The following NFASC variants were observed in gnomAD, a reference collection of about 807,000 sequenced individuals.
NFASC encodes the protein neurofascin homolog.
A neutral mutation model predicts 147.5 loss-of-function variants in NFASC; 43 were observed. The ratio of observed to expected loss-of-function variants is 0.29; its 90% CI spans 0.23 to 0.38. The LOEUF (loss-of-function observed/expected upper bound fraction) is 0.38, where lower values mean the gene tolerates loss of function less well. NFASC is among the 10% of genes least tolerant of loss of function. NFASC has a pLI of 1.00. For missense variants in NFASC, 1,320 were observed against 1,689.0 expected (o/e 0.78, Z 3.83); for synonymous variants, 622 against 665.5 (o/e 0.93, Z 1.01).
chr1:204,974,109 G>A (rs1024622637), intron 12 of NFASC, 70 bp from the exon 13 acceptor site: 2 of 1,273,000 alleles, frequency 1.6e-6, no homozygotes, highest in Non-Finnish European at 2.2e-6. Context: ...GCATGCAGAG[G>A]TGAGACCGAG....
chr1:204,869,348 T>C (rs562228423), intron 1 of NFASC, among the ~76,000 whole-genome samples: 11 of 152,288 alleles, frequency 7.2e-5, no homozygotes, highest in African/African-American at 2.2e-4. Context: ...TATGTTTACA[T>C]TGCAGAACAC....
intron 5 of NFASC, among the ~76,000 whole-genome samples, chr1:204,953,833 C>G (rs1451427621): frequency 6.6e-6 from 1 of 152,176 alleles, no homozygotes; most frequent in Non-Finnish European, 1.5e-5. Context: ...GCCACAGATT[C>G]TAGATTCTAG....
rs771802696 is a variant in NFASC at position 204,987,384 on chromosome 1, C to T, written c.2471-34C>T. 6.2e-7 allele frequency: 1 copy of T among 1,604,220 alleles called. No homozygotes were observed. Among genetic ancestry groups the T allele is most frequent in the Non-Finnish European group, 8.5e-7 (1 of 1,173,680 alleles). ...TTCCTCATCCTCCCTGCCCCCTCCCCCTCATCTCCCCTGCTCTCTCCTCCT... is the reference window on the plus strand; with the variant it reads ...TTCCTCATCCTCCCTGCCCCCTCCCTCTCATCTCCCCTGCTCTCTCCTCCT... On this transcript the variant is annotated intron_variant, in intron 21 of 29. Transcript: ENST00000339876. This position sits in a 1 kb window ranked among gnomAD's most constrained non-coding sequence, Gnocchi z 4.4.
In NFASC at chr1:205,001,200, C is replaced by T. The variant is rs756101258; in HGVS notation, c.3050C>T (p.Thr1017Met). ...APDEQSIWNV[T>M]VLPNSKWANI... The stretch of plus-strand genomic sequence containing the variant: ...GATGAGCAGTCCATATGGAACGTCA[C>T]GGTGCTCCCCAACAGTAAATGGGCC... The change falls in exon 26 of 30, where the codon ACG (threonine) becomes ATG (methionine). Residue 1017 changes from threonine to methionine, a missense_variant. Coordinates refer to ENST00000339876, the MANE Select transcript of NFASC (RefSeq NM_001005388.3). 9 of 1,611,754 alleles carry T rather than the reference C, an allele frequency of 5.6e-6. No individual in the cohort carries two copies. Among genetic ancestry groups the T allele is most frequent in the South Asian group, 3.3e-5 (3 of 90,528 alleles).
chr1:204,942,838 G>A lies in NFASC; in HGVS notation c.-90-1388G>A, dbSNP rs72741216. ...CTTCTGGGAAAGAAACTGCAAAAAT[G>A]TGAATAAGAATCCTTTAGTTTGCCC... On this transcript the variant is annotated intron_variant, in intron 2 of 29. Transcript: ENST00000339876. Among the ~76,000 whole-genome samples, 1,264 of 152,276 alleles carry A rather than the reference G, an allele frequency of 8.3e-3. 16 individuals are homozygous for A. The highest frequency in any genetic ancestry group is 0.027 in the Middle Eastern group (8 of 294).
At chr1:204,916,852 C>T (rs376479138) in intron 1 of NFASC, among the ~76,000 whole-genome samples, 3 of 152,038 alleles carry the variant, frequency 2.0e-5, no homozygotes, top group Admixed American at 6.6e-5. Context: ...GGATTACAGG[C>T]GTGAGTCACT....
intron 4 of NFASC, among the ~76,000 whole-genome samples, chr1:204,951,748 C>T (rs989646697): frequency 6.0e-5 from 9 of 151,232 alleles, no homozygotes; most frequent in Admixed American, 1.3e-4. Flanking sequence ...GGATTACAAG[C>T]GTGAGCCACC....
Position 204,954,414 on chromosome 1 carries a change from C to A in NFASC, c.412+30C>A, listed in dbSNP as rs775870835. The A allele has an allele frequency of 6.2e-7, 1 of 1,602,562 alleles. No individual in the cohort carries two copies. Among genetic ancestry groups the A allele is most frequent in the Non-Finnish European group, 8.5e-7 (1 of 1,172,452 alleles). On this transcript the variant is annotated intron_variant, in intron 6 of 29. Coordinates refer to ENST00000339876, the MANE Select transcript of NFASC (RefSeq NM_001005388.3). The surrounding 1 kb of genome is among the most constrained non-coding windows in gnomAD (Gnocchi z 5.7). ...GTAGCGTGGGGCAGGGCTGAAATGC[C>A]CTGCTCCTGGGTAAATGGAGAGTGG...
At chr1:204,927,389 A>G in intron 2 of NFASC, among the ~76,000 whole-genome samples, 1 of 152,188 alleles carries the variant, frequency 6.6e-6, no homozygotes, top group East Asian at 1.9e-4. Context: ...TCCCCACATC[A>G]GTAATTCATT....
chr1:204,916,932 T>C (rs2089422044), intron 1 of NFASC, among the ~76,000 whole-genome samples: 1 of 152,092 alleles, frequency 6.6e-6, no homozygotes, highest in African/African-American at 2.4e-5. Flanking sequence ...AATATCTATA[T>C]CAGGCTGGGC....
At chr1:204,876,000 C>T (rs746110586) in intron 1 of NFASC, among the ~76,000 whole-genome samples, 4 of 152,162 alleles carry the variant, frequency 2.6e-5, no homozygotes, top group East Asian at 1.9e-4. Context: ...TGGTAATACA[C>T]AGTCATTTGG....
At chr1:204,983,076 G>A (rs149045639) in intron 21 of NFASC, among the ~76,000 whole-genome samples, 1 of 152,338 alleles carries the variant, frequency 6.6e-6, no homozygotes, top group African/African-American at 2.4e-5. Context: ...TGGGACCACT[G>A]GATGGTAAGT....
At chr1:204,842,315 C>T (rs2102514590) in intron 1 of NFASC, among the ~76,000 whole-genome samples, 1 of 152,282 alleles carries the variant, frequency 6.6e-6, no homozygotes, top group South Asian at 2.1e-4. Flanking sequence ...TTTACACCAC[C>T]CAGAACTTTC....
At chr1:204,978,475 AC>A (rs997507720) in intron 17 of NFASC, among the ~76,000 whole-genome samples, 5 of 151,396 alleles carry the variant, frequency 3.3e-5, no homozygotes, top group African/African-American at 1.2e-4. Context: ...CACTCCCCTA[AC>A]CCATCTGCCA....
At chr1:205,006,640 C>T (rs1485616384) in intron 27 of NFASC, among the ~76,000 whole-genome samples, 2 of 152,114 alleles carry the variant, frequency 1.3e-5, no homozygotes, top group Non-Finnish European at 2.9e-5. Context: ...AAGGTGGTAA[C>T]GGGATGTCTC....
rs2095642091 is a variant in NFASC, at chr1:204,987,588, C to G, written c.2593+48C>G. On this transcript the variant is annotated intron_variant, in intron 22 of 29. Transcript: ENST00000339876. The surrounding 1 kb of genome is among the most constrained non-coding windows in gnomAD (Gnocchi z 4.4). Reference sequence around the variant, plus strand: ...TCTTAGATAATCTGGGAACCAGAAACCCCATTCTCACCACTTTTCCTAAGG... The same window carrying G: ...TCTTAGATAATCTGGGAACCAGAAAGCCCATTCTCACCACTTTTCCTAAGG... 1.2e-6 allele frequency: 2 copies of G among 1,608,032 alleles called. No homozygotes were observed. Among genetic ancestry groups the G allele is most frequent in the African/African-American group, 2.7e-5 (2 of 74,918 alleles).
chr1:204,918,796 G>A (rs955776733), intron 1 of NFASC, among the ~76,000 whole-genome samples: 6 of 151,962 alleles, frequency 3.9e-5, no homozygotes, highest in African/African-American at 1.5e-4. Context: ...ATGTTGGTCA[G>A]GCTGGTCTCG....
intron 1 of NFASC, among the ~76,000 whole-genome samples, chr1:204,919,602 C>A (rs556543186): frequency 6.6e-6 from 1 of 152,190 alleles, no homozygotes; most frequent in African/African-American, 2.4e-5. Flanking sequence ...TTCCCCTCTA[C>A]AAGAGTGGAT....
chr1:204,841,480 C>A (rs1224779294), intron 1 of NFASC, among the ~76,000 whole-genome samples: 1 of 152,164 alleles, frequency 6.6e-6, no homozygotes, highest in Non-Finnish European at 1.5e-5. Flanking sequence ...ATGTTAGGAT[C>A]TGACAGCATG....
Sources: gnomAD v4.1 joint callset for allele counts (sites outside exome capture counted in the v4.1 genomes callset) on GRCh38, gnomAD v4.1.1 for gene constraint, Gnocchi (gnomAD v3.1) non-coding constraint, MANE v1.5 for transcripts, NCBI Gene and HGNC (gene_info 2026-07-23, HGNC 2026-07-21) for gene names.